The following PIP4K2A variants were observed in gnomAD, a reference collection of about 807,000 sequenced individuals.
The protein encoded by PIP4K2A is phosphatidylinositol 5-phosphate 4-kinase type-2 alpha.
PIP4K2A carries 14 observed loss-of-function variants against 42.9 expected under a neutral mutation model. The observed-to-expected ratio is 0.33, with a 90% confidence interval of 0.22 to 0.51. The LOEUF (loss-of-function observed/expected upper bound fraction) is 0.51. PIP4K2A is among the 20% of genes least tolerant of loss of function. PIP4K2A has a pLI of 0.97. For synonymous variants in PIP4K2A, 192 were observed against 192.2 expected (o/e 1.00, Z 0.01); for missense variants, 434 against 519.8 (o/e 0.83, Z 1.61).
At chr10:22,686,312 C>G (rs74121869) in intron 1 of PIP4K2A, among the ~76,000 whole-genome samples, 13,384 of 152,182 alleles carry the variant, frequency 0.088, 1,605 homozygotes, top group African/African-American at 0.27. Context: ...TAACTAAACC[C>G]CACAAACCAT....
rs12258324 is a variant in PIP4K2A at position 22,573,477 on chromosome 10, A to G, written c.493-20T>C. The G allele has an allele frequency of 1.1e-3, 1,741 of 1,593,418 alleles. 16 individuals are homozygous for G. In the African/African-American group the frequency reaches 0.021, roughly 19 times the overall value. On this transcript the variant is annotated intron_variant, in intron 4 of 9. Transcript: ENST00000376573. ...TATGTACTGCATAGGAGAGAAAGAA[A>G]AAGGAAAAAAACATCCAATCAAAAG...
intron 1 of PIP4K2A, among the ~76,000 whole-genome samples, chr10:22,685,988 C>T (rs2130889940): frequency 6.6e-6 from 1 of 152,286 alleles, no homozygotes; most frequent in East Asian, 1.9e-4. Context: ...ACGCCATCCT[C>T]TCCCTCTCAT....
At chr10:22,602,958 G>A (rs1038575067) in intron 3 of PIP4K2A, among the ~76,000 whole-genome samples, 1 of 152,122 alleles carries the variant, frequency 6.6e-6, no homozygotes, top group Non-Finnish European at 1.5e-5. Context: ...AGTCAAAAGT[G>A]AGAAATCTAC....
chr10:22,616,099 T>G (rs568304476), intron 1 of PIP4K2A, among the ~76,000 whole-genome samples: 8 of 152,254 alleles, frequency 5.3e-5, no homozygotes, highest in Admixed American at 3.9e-4. Flanking sequence ...GTTGTCTGCA[T>G]CAATAGAAAC....
At chr10:22,653,379 G>C (rs1839032529) in intron 1 of PIP4K2A, among the ~76,000 whole-genome samples, 1 of 152,118 alleles carries the variant, frequency 6.6e-6, no homozygotes, top group Non-Finnish European at 1.5e-5. Flanking sequence ...GATACCGTAA[G>C]ACCCTGGGCC....
rs1564448260 is a variant in PIP4K2A, at chr10:22,627,588, T to TAAAAAAAAAAA, written c.145-17872_145-17871insTTTTTTTTTTT. On this transcript the variant is annotated intron_variant, in intron 1 of 9. Transcript: ENST00000376573. ...ATTTGTTTAACCAAAAGCTAATATG[T>TAAAAAAAAAAA]AATAAAAAAAAAAAAAAAAAAAAAA... Among the ~76,000 whole-genome samples, 25 of 38,924 alleles carry TAAAAAAAAAAA rather than the reference T, an allele frequency of 6.4e-4. 4 individuals are homozygous for TAAAAAAAAAAA. The highest frequency in any genetic ancestry group is 8.0e-4 in the African/African-American group (11 of 13,744). The allele number at this position is 38,924 out of a possible 152,430, so 25.5% of individuals were successfully genotyped here.
chr10:22,566,778 C>A (rs1414730145), intron 6 of PIP4K2A, among the ~76,000 whole-genome samples: 2 of 152,202 alleles, frequency 1.3e-5, no homozygotes, highest in African/African-American at 2.4e-5. Context: ...GAAGCCCTTC[C>A]TTGACCCTGC....
At chr10:22,539,120 G>A (rs1275590368) in intron 9 of PIP4K2A, among the ~76,000 whole-genome samples, 5 of 152,132 alleles carry the variant, frequency 3.3e-5, no homozygotes, top group Non-Finnish European at 5.9e-5. Context: ...GAAACTTGGC[G>A]AGCTGTAAAG....
At chr10:22,712,793 C>T (rs190616266) in intron 1 of PIP4K2A, among the ~76,000 whole-genome samples, 8 of 152,296 alleles carry the variant, frequency 5.3e-5, no homozygotes, top group Admixed American at 5.2e-4. Context: ...TCCAAAAACA[C>T]TCACTCCATG....
At chr10:22,712,591 G>A (rs1012849887) in intron 1 of PIP4K2A, among the ~76,000 whole-genome samples, 1 of 152,132 alleles carries the variant, frequency 6.6e-6, no homozygotes, top group Admixed American at 6.5e-5. Context: ...ACTCTACATT[G>A]TAAACTTATT....
chr10:22,579,674 G>A (rs1187378963), intron 4 of PIP4K2A, among the ~76,000 whole-genome samples: 5 of 152,134 alleles, frequency 3.3e-5, no homozygotes, highest in Admixed American at 2.6e-4. Flanking sequence ...GGGAGGCAGG[G>A]GAGGGTGGAT....
At chr10:22,608,238 G>A (rs551141388) in intron 2 of PIP4K2A, among the ~76,000 whole-genome samples, 6 of 152,316 alleles carry the variant, frequency 3.9e-5, no homozygotes, top group South Asian at 2.1e-4. Flanking sequence ...TCACAGGCAC[G>A]CTTGGACTAT....
intron 1 of PIP4K2A, among the ~76,000 whole-genome samples, chr10:22,702,560 T>C (rs752598178): frequency 1.3e-5 from 2 of 152,356 alleles, no homozygotes; most frequent in Middle Eastern, 3.4e-3. Context: ...ACACAGTTCT[T>C]GCATGCTGCT....
rs1554792201 is a variant in PIP4K2A at position 22,539,924 on chromosome 10, A to AGAGAGAGAGAGAGG, written c.1140+46_1140+47insCCTCTCTCTCTCTC. 1.5e-5 allele frequency: 14 copies of AGAGAGAGAGAGAGG among 950,304 alleles called. 1 individual carries two copies. The highest frequency in any genetic ancestry group is 1.2e-4 in the African/African-American group (7 of 56,116). 58.9% of individuals were successfully genotyped at this position (950,304 alleles called of 1,614,324 possible). A position where few individuals can be genotyped will look rare whatever the true frequency, so the allele number is the denominator to read the frequency against. On this transcript the variant is annotated intron_variant, in intron 9 of 9. Coordinates refer to ENST00000376573, the MANE Select transcript of PIP4K2A (RefSeq NM_005028.5). ...GAGAGAGAGAGAGGGAGAGAGAGAG[A>AGAGAGAGAGAGAGG]GAGAGAGGGAGAGAAAGAGAGAAGG...
At chr10:22,603,928 TA>T (rs775309927) in intron 3 of PIP4K2A, among the ~76,000 whole-genome samples, 1 of 152,158 alleles carries the variant, frequency 6.6e-6, no homozygotes, top group Non-Finnish European at 1.5e-5. Context: ...TCATGCAATT[TA>T]AAAATGCCCT....
intron 7 of PIP4K2A, among the ~76,000 whole-genome samples, chr10:22,548,099 G>T (rs1026929207): frequency 2.0e-5 from 3 of 152,166 alleles, no homozygotes; most frequent in Non-Finnish European, 4.4e-5. Context: ...CAGAAAACTC[G>T]ATTAAATTCT....
intron 6 of PIP4K2A, among the ~76,000 whole-genome samples, chr10:22,565,759 A>ATATCGCTGAATTCTT (rs1836832381): frequency 6.6e-6 from 1 of 152,198 alleles, no homozygotes; most frequent in Non-Finnish European, 1.5e-5. Flanking sequence ...AATGGGAGAA[A>ATATCGCTGAATTCTT]TATCGCTGAA....
intron 1 of PIP4K2A, among the ~76,000 whole-genome samples, chr10:22,708,812 C>T (rs909264528): frequency 7.2e-5 from 11 of 152,226 alleles, no homozygotes; most frequent in Admixed American, 7.2e-4. Flanking sequence ...TAGTGGGAGC[C>T]TCCATCTGTC....
chr10:22,617,889 C>T (rs1364528957), intron 1 of PIP4K2A, among the ~76,000 whole-genome samples: 1 of 152,126 alleles, frequency 6.6e-6, no homozygotes, highest in East Asian at 1.9e-4. Flanking sequence ...ATTTCTACTA[C>T]TTAAATATGA....
Sources: gnomAD v4.1 joint callset for allele counts (sites outside exome capture counted in the v4.1 genomes callset) on GRCh38, gnomAD v4.1.1 for gene constraint, MANE v1.5 for transcripts, NCBI Gene and HGNC (gene_info 2026-07-23, HGNC 2026-07-21) for gene names.